Variants in PARD3B observed in about 807,000 individuals in gnomAD.
The protein encoded by PARD3B is partitioning defective 3 homolog B.
Under a neutral mutation model 130.2 loss-of-function variants are expected in PARD3B, and 103 were observed. The observed-to-expected ratio is 0.79, with a 90% CI of 0.67 to 0.93. The LOEUF (loss-of-function observed/expected upper bound fraction) is 0.93, where lower values mean the gene tolerates loss of function less well. Ranked by LOEUF, PARD3B falls within the 40% of genes least tolerant of loss-of-function variation. The pLI, the probability that PARD3B is intolerant of heterozygous loss-of-function variation, is 0.00. For synonymous variants in PARD3B, 583 were observed against 553.2 expected, an observed-to-expected ratio of 1.05 and a Z score of -0.76; for missense variants, 1,609 against 1,499.2, an observed-to-expected ratio of 1.07 and a Z score of -1.21.
rs142360719 is a variant in PARD3B at position 204,821,197 on chromosome 2, G to A, written c.222+134915G>A. On this transcript the variant is annotated intron_variant, in intron 2 of 22. Transcript: ENST00000406610. ...TCCCACATGTTGTGGGAGGGACCTG[G>A]TGGGAAACAACTGACTCATGGGGGC... Among the ~76,000 whole-genome samples, 4 of 152,262 alleles carry A rather than the reference G, an allele frequency of 2.6e-5. No homozygotes were observed. In the East Asian group the frequency reaches 7.8e-4, roughly 30 times the overall value.
chr2:205,032,026 T>C (rs867699203), intron 3 of PARD3B, among the ~76,000 whole-genome samples: 4 of 152,170 alleles, frequency 2.6e-5, no homozygotes, highest in African/African-American at 9.7e-5. Context: ...TGTTAAAATG[T>C]TTTTCCCTTG....
At chr2:205,457,135 T>C (rs1485531772) in intron 20 of PARD3B, among the ~76,000 whole-genome samples, 1 of 151,856 alleles carries the variant, frequency 6.6e-6, no homozygotes, top group East Asian at 1.9e-4. Flanking sequence ...TTCTTTTTTA[T>C]GAGGTTTTTA....
rs573462787 is a variant in PARD3B at position 204,607,230 on chromosome 2, G to A, written c.120+61111G>A. 5.3e-4 allele frequency among the ~76,000 whole-genome samples: 81 copies of A among 152,240 alleles called. 1 individual carries two copies. Among genetic ancestry groups the A allele is most frequent in the Admixed American group, 1.1e-3 (17 of 15,276 alleles). Reference sequence around the variant, plus strand: ...TGGTATCCCAAAGGAAATTATAGGGGCAGATTATCATATAGACGAATGATT... The same window carrying A: ...TGGTATCCCAAAGGAAATTATAGGGACAGATTATCATATAGACGAATGATT... On this transcript the variant is annotated intron_variant, in intron 1 of 22. Transcript: ENST00000406610.
At chr2:204,703,572 C>G (rs2037995309) in intron 2 of PARD3B, among the ~76,000 whole-genome samples, 1 of 152,104 alleles carries the variant, frequency 6.6e-6, no homozygotes, top group Non-Finnish European at 1.5e-5. Flanking sequence ...ATTTGAATTT[C>G]AGGAGCAGAC....
chr2:205,442,416 A>G (rs1230124397), intron 20 of PARD3B, among the ~76,000 whole-genome samples: 1 of 147,040 alleles, frequency 6.8e-6, no homozygotes, highest in Non-Finnish European at 1.5e-5. Flanking sequence ...CTCCTGCCTC[A>G]GCCTCCCGAG....
In PARD3B at chr2:205,590,873, A is replaced by C. The variant is rs1177331911; in HGVS notation, c.3261-24583A>C. 6.6e-6 allele frequency among the ~76,000 whole-genome samples: 1 copy of C among 152,098 alleles called. No homozygotes were observed. The highest frequency in any genetic ancestry group is 2.4e-5 in the African/African-American group (1 of 41,426). On this transcript the variant is annotated intron_variant, in intron 22 of 22. Coordinates refer to ENST00000406610, the MANE Select transcript of PARD3B (RefSeq NM_001302769.2). The surrounding 1 kb of genome is among the most constrained non-coding windows in gnomAD (Gnocchi z 4.1). Reference sequence around the variant, plus strand: ...TTCCGGTCTGCTTGTCATTTGACCCACAGGCTTCAAGAATACTTCCTCAAG... The same window carrying C: ...TTCCGGTCTGCTTGTCATTTGACCCCCAGGCTTCAAGAATACTTCCTCAAG...
intron 18 of PARD3B, among the ~76,000 whole-genome samples, chr2:205,376,701 G>A (rs1315747540): frequency 6.6e-6 from 1 of 152,170 alleles, no homozygotes. Context: ...CATGGGAGAT[G>A]TAAACGAAAG....
chr2:205,354,661 T>A (rs2105857765), intron 18 of PARD3B, among the ~76,000 whole-genome samples: 1 of 152,228 alleles, frequency 6.6e-6, no homozygotes, highest in Non-Finnish European at 1.5e-5. Context: ...GATAACTATC[T>A]TCTGATGCTG....
chr2:204,876,388 A>C (rs1413810993), intron 2 of PARD3B, among the ~76,000 whole-genome samples: 1 of 152,152 alleles, frequency 6.6e-6, no homozygotes, highest in Non-Finnish European at 1.5e-5. Context: ...GAGCAAATCA[A>C]ATTTTTCCAC....
chr2:205,186,321 T>C (rs992889612), intron 14 of PARD3B, among the ~76,000 whole-genome samples: 1 of 152,236 alleles, frequency 6.6e-6, no homozygotes, highest in Non-Finnish European at 1.5e-5. Flanking sequence ...TCTAAAATAT[T>C]GAAGAGGGTA....
At chr2:204,549,312 A>G (rs1394740137) in intron 1 of PARD3B, among the ~76,000 whole-genome samples, 6 of 152,220 alleles carry the variant, frequency 3.9e-5, no homozygotes. Context: ...TCAGTGTCCC[A>G]GCCTCCAAAT....
intron 1 of PARD3B, among the ~76,000 whole-genome samples, chr2:204,685,221 G>T (rs997378650): frequency 1.3e-5 from 2 of 152,010 alleles, no homozygotes; most frequent in Non-Finnish European, 1.5e-5. Flanking sequence ...TAACAAACTG[G>T]TATCTGTTCG....
intron 19 of PARD3B, among the ~76,000 whole-genome samples, chr2:205,422,474 C>T (rs1028202282): frequency 1.3e-5 from 2 of 152,130 alleles, no homozygotes; most frequent in African/African-American, 4.8e-5. Flanking sequence ...GCTATCTGGC[C>T]ACACCTTGCC....
At chr2:204,862,960 C>T (rs2045269940) in intron 2 of PARD3B, among the ~76,000 whole-genome samples, 1 of 152,192 alleles carries the variant, frequency 6.6e-6, no homozygotes, top group African/African-American at 2.4e-5. Flanking sequence ...CAGGCTCCTC[C>T]CAACTGCAAA....
intron 2 of PARD3B, among the ~76,000 whole-genome samples, chr2:204,948,733 GA>G (rs1689533609): frequency 1.3e-5 from 2 of 152,140 alleles, no homozygotes; most frequent in African/African-American, 2.4e-5. Context: ...TTGATTCAGA[GA>G]AATTATTTGT....
rs1575678767 is a variant in PARD3B, at chr2:205,062,956, A to G, written c.504+15266A>G. On this transcript the variant is annotated intron_variant, in intron 4 of 22. Transcript: ENST00000406610. ...CCATCCTTCCAAGTCAGCTTCTTTCATTTTAAATATAGTTGCAGTGGGGGT... is the reference window on the plus strand; with the variant it reads ...CCATCCTTCCAAGTCAGCTTCTTTCGTTTTAAATATAGTTGCAGTGGGGGT... Among the ~76,000 whole-genome samples the G allele has an allele frequency of 4.6e-5, 7 of 152,118 alleles. No individual in the cohort carries two copies. In the South Asian group the frequency reaches 1.2e-3, roughly 27 times the overall value.
chr2:204,864,979 G>A (rs1390645455), intron 2 of PARD3B, among the ~76,000 whole-genome samples: 5 of 152,092 alleles, frequency 3.3e-5, no homozygotes, highest in African/African-American at 9.7e-5. Context: ...TGAATAGACA[G>A]TTCTTAAAAG....
intron 7 of PARD3B, among the ~76,000 whole-genome samples, chr2:205,120,923 T>G (rs994155279): frequency 6.6e-6 from 1 of 152,012 alleles, no homozygotes; most frequent in Non-Finnish European, 1.5e-5. Context: ...AAGAAGAAAA[T>G]GTTATAAGAA....
chr2:205,096,608 T>G (rs1335366458), intron 4 of PARD3B, among the ~76,000 whole-genome samples: 1 of 152,190 alleles, frequency 6.6e-6, no homozygotes. Context: ...CTGTTTACAC[T>G]GAGTGCAGTT....
Sources: gnomAD v4.1 joint callset for allele counts (sites outside exome capture counted in the v4.1 genomes callset) on GRCh38, gnomAD v4.1.1 for gene constraint, Gnocchi (gnomAD v3.1) non-coding constraint, MANE v1.5 for transcripts, NCBI Gene and HGNC (gene_info 2026-07-23, HGNC 2026-07-21) for gene names.